KHDRBS3: variants seen among roughly 807,000 people sequenced by gnomAD.
KHDRBS3 encodes KH RNA binding domain containing, signal transduction associated 3.
Under a neutral mutation model 45.6 loss-of-function variants are expected in KHDRBS3, and 23 were observed. The observed-to-expected ratio is 0.50, with a 90% CI of 0.36 to 0.72. The LOEUF is 0.72. Among genes scored for constraint, KHDRBS3 ranks in the 30% least tolerant of loss-of-function variants. The pLI, the probability that KHDRBS3 is intolerant of heterozygous loss-of-function variation, is 0.00. For missense variants in KHDRBS3, 352 were observed against 424.8 expected, an observed-to-expected ratio of 0.83 and a Z score of 1.51; for synonymous variants, 162 against 156.5, an observed-to-expected ratio of 1.04 and a Z score of -0.26.
At chr8:135,572,232 G>A (rs1199828552) in intron 5 of KHDRBS3, among the ~76,000 whole-genome samples, 1 of 152,172 alleles carries the variant, frequency 6.6e-6, no homozygotes, top group Non-Finnish European at 1.5e-5. Flanking sequence ...AAGACAGTGG[G>A]TGATACAGGC....
intron 4 of KHDRBS3, among the ~76,000 whole-genome samples, chr8:135,550,288 G>C (rs190318468): frequency 6.6e-6 from 1 of 152,222 alleles, no homozygotes; most frequent in Non-Finnish European, 1.5e-5. Flanking sequence ...ACCTCACACA[G>C]AATCTGGACT....
chr8:135,529,612 T>C (rs1825364462), intron 2 of KHDRBS3, among the ~76,000 whole-genome samples: 1 of 152,214 alleles, frequency 6.6e-6, no homozygotes, highest in African/African-American at 2.4e-5. Context: ...TTTGGGGGCA[T>C]ATTATTATCA....
chr8:135,512,304 T>A, intron 1 of KHDRBS3, among the ~76,000 whole-genome samples: 1 of 152,040 alleles, frequency 6.6e-6, no homozygotes, highest in Non-Finnish European at 1.5e-5. Context: ...TGGACTGTTG[T>A]ACTATTTTGA....
intron 8 of KHDRBS3, 147 bp from the exon 9 acceptor site, chr8:135,646,846 C>T: frequency 2.9e-5 from 14 of 487,560 alleles, no homozygotes; most frequent in South Asian, 1.2e-4. Context: ...AAGTAAATTC[C>T]TTGTTTGTTT....
At chr8:135,481,079 T>C (rs1822541692) in intron 1 of KHDRBS3, among the ~76,000 whole-genome samples, 1 of 151,922 alleles carries the variant, frequency 6.6e-6, no homozygotes, top group Non-Finnish European at 1.5e-5. Flanking sequence ...AAATTTTTCA[T>C]TAGTTATCAG....
At chr8:135,551,590 C>T (rs560550970) in intron 4 of KHDRBS3, among the ~76,000 whole-genome samples, 3 of 152,144 alleles carry the variant, frequency 2.0e-5, no homozygotes, top group African/African-American at 4.8e-5. Context: ...ATTTGCATTC[C>T]GAGGATAATT....
intron 1 of KHDRBS3, among the ~76,000 whole-genome samples, chr8:135,487,681 G>A (rs1445582820): frequency 6.6e-6 from 1 of 152,182 alleles, no homozygotes; most frequent in African/African-American, 2.4e-5. Context: ...AGAAAAGGGA[G>A]ACAGGATAAT....
At chr8:135,569,413 T>C (rs1233643909) in intron 5 of KHDRBS3, among the ~76,000 whole-genome samples, 1 of 152,164 alleles carries the variant, frequency 6.6e-6, no homozygotes, top group Non-Finnish European at 1.5e-5. Flanking sequence ...AATTATAGAA[T>C]TGTCATTAAG....
chr8:135,527,458 C>T (rs1296799598), intron 2 of KHDRBS3, among the ~76,000 whole-genome samples: 1 of 152,186 alleles, frequency 6.6e-6, no homozygotes, highest in Admixed American at 6.5e-5. Context: ...TTTAATTTGA[C>T]TAGACAGATT....
chr8:135,505,374 CT>C (rs1187672414), intron 1 of KHDRBS3, among the ~76,000 whole-genome samples: 1 of 152,140 alleles, frequency 6.6e-6, no homozygotes, highest in African/African-American at 2.4e-5. Context: ...CCCTGCCCTG[CT>C]TGTGGTCCCT....
At chr8:135,479,477 G>A (rs1203721627) in intron 1 of KHDRBS3, among the ~76,000 whole-genome samples, 1 of 152,180 alleles carries the variant, frequency 6.6e-6, no homozygotes, top group Non-Finnish European at 1.5e-5. Flanking sequence ...CTTAGACCGA[G>A]TAATTCATAA....
intron 1 of KHDRBS3, among the ~76,000 whole-genome samples, chr8:135,501,407 C>T (rs1007786510): frequency 6.6e-6 from 1 of 152,048 alleles, no homozygotes; most frequent in African/African-American, 2.4e-5. Flanking sequence ...TTTCTTTTAG[C>T]GTATTGTTTC....
In KHDRBS3 at chr8:135,475,453, A is replaced by G. The variant is rs558188166; in HGVS notation, c.88+17499A>G. Among the ~76,000 whole-genome samples, 12 of 152,060 alleles carry G rather than the reference A, an allele frequency of 7.9e-5. No homozygotes were observed. The South Asian group carries it at 2.5e-3, about 32-fold the overall frequency. On this transcript the variant is annotated intron_variant, in intron 1 of 8. Coordinates refer to ENST00000355849, the MANE Select transcript of KHDRBS3 (RefSeq NM_006558.3). ...CAGCCTCCTGAGTAACTGAGATTAC[A>G]AGAGCCCACCACCATGCCCAGCTAA...
At chr8:135,643,015 G>A (rs978469623) in intron 7 of KHDRBS3, among the ~76,000 whole-genome samples, 3 of 151,960 alleles carry the variant, frequency 2.0e-5, no homozygotes, top group East Asian at 3.9e-4. Flanking sequence ...GGATGGTCTC[G>A]ATCTTCTGAC....
chr8:135,460,397 A>G (rs1304624854), intron 1 of KHDRBS3, among the ~76,000 whole-genome samples: 2 of 152,196 alleles, frequency 1.3e-5, no homozygotes, highest in African/African-American at 2.4e-5. Flanking sequence ...TCACACTTGC[A>G]TTCCGGTAAG....
intron 2 of KHDRBS3, among the ~76,000 whole-genome samples, chr8:135,530,549 C>A (rs1346495389): frequency 6.6e-6 from 1 of 152,218 alleles, no homozygotes; most frequent in African/African-American, 2.4e-5. Flanking sequence ...CCTGTGCTTT[C>A]TGGCACTGGG....
chr8:135,525,345 T>C (rs1451053946), intron 2 of KHDRBS3, among the ~76,000 whole-genome samples: 1 of 152,144 alleles, frequency 6.6e-6, no homozygotes. Flanking sequence ...TAATATTTGG[T>C]TATCTGCAAC....
At chr8:135,540,239 T>G (rs2130763254) in intron 2 of KHDRBS3, 1 of 152,018 alleles carries the variant, frequency 6.6e-6, no homozygotes, top group East Asian at 1.9e-4. Flanking sequence ...GCAAAATAAA[T>G]AGATAAATGG....
intron 1 of KHDRBS3, among the ~76,000 whole-genome samples, chr8:135,473,382 TG>T: frequency 6.6e-6 from 1 of 152,184 alleles, no homozygotes; most frequent in East Asian, 1.9e-4. Context: ...TGAATGTTTT[TG>T]GTTAGTGTTG....
Sources: allele counts gnomAD v4.1 joint callset (sites outside exome capture counted in the v4.1 genomes callset), GRCh38; gene constraint gnomAD v4.1.1; transcripts MANE v1.5; gene names NCBI Gene and HGNC (gene_info 2026-07-23, HGNC 2026-07-21).